The following MYH3 variants were observed in gnomAD, a reference collection of about 807,000 sequenced individuals.
MYH3 encodes myosin heavy chain 3, also known as myosin-3.
MYH3 carries 130 observed loss-of-function variants against 238.0 expected under a neutral mutation model. The observed-to-expected ratio is 0.55, with a 90% CI of 0.47 to 0.63. The LOEUF is 0.63. Ranked by LOEUF, MYH3 falls within the 30% of genes least tolerant of loss-of-function variation. MYH3 has a pLI of 0.00. For synonymous variants in MYH3, 880 were observed against 924.1 expected, an observed-to-expected ratio of 0.95 and a Z score of 0.86; for missense variants, 1,853 against 2,374.9, an observed-to-expected ratio of 0.78 and a Z score of 4.57.
At chr17:10,664,798 G>C in the MYH3 span, among the ~76,000 whole-genome samples, 1 of 152,148 alleles carries the variant, frequency 6.6e-6, no homozygotes, top group Non-Finnish European at 1.5e-5. Flanking sequence ...CATGATTGAA[G>C]CCGAGAAGAA....
At chr17:10,671,740 C>T in the MYH3 span, among the ~76,000 whole-genome samples, 3 of 151,724 alleles carry the variant, frequency 2.0e-5, no homozygotes, top group African/African-American at 4.8e-5. Context: ...CCACCACGCC[C>T]GGCTAATTTT....
rs746354516 is a variant in MYH3 at position 10,635,016 on chromosome 17, G to A, written c.4180C>T (p.Leu1394Phe). The A allele has an allele frequency of 1.2e-6, 2 of 1,614,032 alleles. No homozygotes were observed. Among genetic ancestry groups the A allele is most frequent in the African/African-American group, 1.3e-5 (1 of 75,002 alleles). Residue 1394 changes from leucine to phenylalanine, a missense_variant, in exon 31 of 41, where the codon CTT (leucine) becomes TTT (phenylalanine). This residue lies in a region of MYH3 where 1,044 missense variants were observed against 1,192.6 expected (regional missense o/e 0.88). Transcript: ENST00000583535. ...TCGGAATCTTGAAGGCGCTGAGCAA[G>A]TTTTTTCCTTAAAGAATATGAAAGA... The part of the protein sequence containing the change: ...TEELEEAKKK[L>F]AQRLQDSEEQ...
At chr17:10,661,130 C>T (rs1277097350), upstream of MYH3, among the ~76,000 whole-genome samples, 3 of 151,624 alleles carry the variant, frequency 2.0e-5, no homozygotes, top group Non-Finnish European at 4.4e-5. Flanking sequence ...GCATATGCCA[C>T]CATGCCTGGC....
At chr17:10,671,255 T>C in the MYH3 span, among the ~76,000 whole-genome samples, 129 of 152,268 alleles carry the variant, frequency 8.5e-4, 1 homozygote, top group African/African-American at 3.0e-3. Flanking sequence ...TATTTACTAT[T>C]TCCATGATTA....
At chr17:10,632,329 G>C (rs1290420192) in intron 34 of MYH3, 147 bp downstream of exon 34, 2 of 967,286 alleles carry the variant, frequency 2.1e-6, no homozygotes, top group Non-Finnish European at 1.6e-6. Flanking sequence ...ATATTGCCCA[G>C]GCTGGTATCA....
chr17:10,662,642 G>T, the MYH3 span, among the ~76,000 whole-genome samples: 1 of 152,120 alleles, frequency 6.6e-6, no homozygotes, highest in Non-Finnish European at 1.5e-5. Context: ...AATTTTTCCA[G>T]TTCTTCCAAC....
chr17:10,663,364 C>T, the MYH3 span, among the ~76,000 whole-genome samples: 10 of 152,130 alleles, frequency 6.6e-5, no homozygotes, highest in African/African-American at 1.4e-4. Flanking sequence ...GAATGTCTCG[C>T]GGAACAAGGT....
chr17:10,671,859 G>C, the MYH3 span, among the ~76,000 whole-genome samples: 131 of 152,224 alleles, frequency 8.6e-4, 1 homozygote, highest in African/African-American at 3.0e-3. Context: ...GATTACAGGC[G>C]TGAGCACCTG....
At chr17:10,677,767 T>C in the MYH3 span, 9 of 152,346 alleles carry the variant, frequency 5.9e-5, no homozygotes, top group East Asian at 1.7e-3. Flanking sequence ...TTGAAGAGTC[T>C]AGTGAAAACA....
At chr17:10,664,801 G>A in the MYH3 span, among the ~76,000 whole-genome samples, 12 of 152,266 alleles carry the variant, frequency 7.9e-5, no homozygotes, top group Non-Finnish European at 1.5e-4. Context: ...GATTGAAGCC[G>A]AGAAGAATGA....
the MYH3 span, among the ~76,000 whole-genome samples, chr17:10,669,861 C>T: frequency 1.1e-4 from 17 of 151,784 alleles, no homozygotes; most frequent in East Asian, 7.8e-4. Context: ...CAGTGAGCCA[C>T]GACTGCACCA....
At chr17:10,632,311 G>A (rs1358998276) in intron 34 of MYH3, among the ~76,000 whole-genome samples, 165 bp downstream of exon 34, 1 of 152,106 alleles carries the variant, frequency 6.6e-6, no homozygotes, top group Admixed American at 6.5e-5. Context: ...TAGAGATAAG[G>A]TTTTGCTATA....
At chr17:10,650,335 G>A (rs752188800) in intron 6 of MYH3, 39 bp downstream of exon 6, 14 of 1,586,816 alleles carry the variant, frequency 8.8e-6, no homozygotes, top group Admixed American at 6.7e-5. Context: ...TAGAGCCAGT[G>A]GCACAGCTAT....
Position 10,629,574 on chromosome 17 carries a change from C to G in MYH3, c.5796+23G>C, listed in dbSNP as rs369516937. 7 of 1,612,132 alleles carry G rather than the reference C, an allele frequency of 4.3e-6. No homozygotes were observed. In the African/African-American group the frequency reaches 8.0e-5, roughly 18 times the overall value. Reference sequence around the variant, plus strand: ...AGTTTCTACAGTCCCTGGGGGGGGGCTCCTCCCAGCTCAGCGACTCACCCT... The same window carrying G: ...AGTTTCTACAGTCCCTGGGGGGGGGGTCCTCCCAGCTCAGCGACTCACCCT... On this transcript the variant is annotated intron_variant, in intron 40 of 40. Transcript: ENST00000583535.
chr17:10,658,496 G>C (rs1597497089), upstream of MYH3: 1 of 152,370 alleles, frequency 6.6e-6, no homozygotes, highest in African/African-American at 2.4e-5. Context: ...CTTACACACA[G>C]TGCTTCGAGA....
upstream of MYH3, among the ~76,000 whole-genome samples, chr17:10,661,033 A>G (rs920231091): frequency 8.0e-5 from 12 of 150,614 alleles, no homozygotes; most frequent in African/African-American, 2.9e-4. Context: ...CTGGAGTGCG[A>G]TGGCGCTATC....
chr17:10,642,966 A>G lies in MYH3; in HGVS notation c.1441T>C (p.Phe481Leu). ...AACTGTTGCAGTTTCTCATTGGTGA[A>G]GTTGATGCACAGCTGCTCCAGGCTG... is the stretch of plus-strand genomic sequence containing the variant. ...YNSLEQLCIN[F>L]TNEKLQQFFN... The change falls in exon 15 of 41, where the codon TTC (phenylalanine) becomes CTC (leucine). Residue 481 changes from phenylalanine (F) to leucine (L), a missense_variant. This residue lies in a region of MYH3 where 678 missense variants were observed against 1,058.9 expected (regional missense o/e 0.64). Transcript: ENST00000583535. This position sits in a 1 kb window ranked among gnomAD's most constrained non-coding sequence, Gnocchi z 5.4. The G allele has an allele frequency of 1.2e-6, 2 of 1,614,184 alleles. No homozygotes were observed. The highest frequency in any genetic ancestry group is 1.7e-6 in the Non-Finnish European group (2 of 1,180,040).
At position 10,634,114 on chromosome 17, in the gene MYH3, G is replaced by C. The variant is rs750901076; in HGVS notation, c.4425C>G (p.Ser1475=). 6.2e-7 allele frequency: 1 copy of C among 1,613,986 alleles called. No individual in the cohort carries two copies. The highest frequency in any genetic ancestry group is 8.5e-7 in the Non-Finnish European group (1 of 1,179,978). The change falls in exon 32 of 41, where the codon TCC becomes TCG. Residue 1475 remains serine (S), a synonymous_variant. Coordinates refer to ENST00000583535, the MANE Select transcript of MYH3 (RefSeq NM_002470.4). The part of the protein sequence containing the change: ...QAELEASLKE[S]RSLSTELFKL... ...TGAAGAGCTCAGTGCTCAAGGAGCGGGACTCCTTCAGGGATGCCTCCAGCT... is the reference window on the plus strand; with the variant it reads ...TGAAGAGCTCAGTGCTCAAGGAGCGCGACTCCTTCAGGGATGCCTCCAGCT...
Position 10,638,911 on chromosome 17 carries a change from G to A in MYH3, c.3301C>T (p.Leu1101=), listed in dbSNP as rs776010014. Residue 1101 remains leucine (L), a synonymous_variant, in exon 26 of 41, where the codon CTG becomes TTG. Transcript: ENST00000583535. ...LQSKVEDEQT[L]GLQFQKKIKE... ...ATTTTCTTCTGAAACTGGAGGCCCA[G>A]TGTCTGCTCATCTTCCACTTTGCTT... The A allele has an allele frequency of 6.2e-7, 1 of 1,614,180 alleles. No individual in the cohort carries two copies. The highest frequency in any genetic ancestry group is 1.1e-5 in the South Asian group (1 of 91,084).
Sources: gnomAD v4.1 joint callset for allele counts (sites outside exome capture counted in the v4.1 genomes callset) on GRCh38, gnomAD v4.1.1 for gene constraint, gnomAD v4.1.1 regional missense constraint, Gnocchi (gnomAD v3.1) non-coding constraint, MANE v1.5 for transcripts, NCBI Gene and HGNC (gene_info 2026-07-23, HGNC 2026-07-21) for gene names.